The following VPS8 variants were observed in gnomAD, a reference collection of about 807,000 sequenced individuals.
The protein encoded by VPS8 is VPS8 subunit of CORVET complex.
A neutral mutation model predicts 216.4 loss-of-function variants in VPS8; 129 were observed. The ratio of observed to expected loss-of-function variants is 0.60; its 90% CI spans 0.52 to 0.69. VPS8 has a LOEUF of 0.69. Ranked by LOEUF, VPS8 falls within the 30% of genes least tolerant of loss-of-function variation. VPS8 has a pLI of 0.00. For synonymous variants in VPS8, 571 were observed against 565.4 expected (o/e 1.01, Z -0.14); for missense variants, 1,531 against 1,683.5 (o/e 0.91, Z 1.59).
At chr3:185,035,630 T>G (rs988430423) in intron 46 of VPS8, among the ~76,000 whole-genome samples, 24 of 152,196 alleles carry the variant, frequency 1.6e-4, no homozygotes, top group Admixed American at 1.6e-3. Flanking sequence ...GAGCCATCTT[T>G]GACAAATGCA....
chr3:185,011,112 A>C (rs1487160934), intron 45 of VPS8, among the ~76,000 whole-genome samples: 1 of 41,888 alleles, frequency 2.4e-5, no homozygotes, highest in African/African-American at 4.7e-5. Context: ...GACACAGAGT[A>C]CAAAAAAAAA....
At chr3:184,922,453 A>G (rs901598009) in intron 29 of VPS8, 2 of 454,286 alleles carry the variant, frequency 4.4e-6, no homozygotes, top group African/African-American at 2.0e-5. Context: ...ATCCAGCACA[A>G]TGCCTGTAAC....
Position 184,928,770 on chromosome 3 carries a change from T to A in VPS8, c.2714+237T>A, listed in dbSNP as rs143978535. Among the ~76,000 whole-genome samples, 947 of 152,292 alleles carry A rather than the reference T, an allele frequency of 6.2e-3. 25 individuals carry two copies. Among genetic ancestry groups the A allele is most frequent in the Admixed American group, 0.028 (429 of 15,294 alleles). On this transcript the variant is annotated intron_variant, in intron 32 of 47. Coordinates refer to ENST00000625842, the MANE Select transcript of VPS8 (RefSeq NM_001009921.3). Reference sequence around the variant, plus strand: ...TTTATATAATTGTTTAAACATAAAGTGAAATAGTCTTATGATGTTTTATTA... The same window carrying A: ...TTTATATAATTGTTTAAACATAAAGAGAAATAGTCTTATGATGTTTTATTA...
intron 21 of VPS8, among the ~76,000 whole-genome samples, chr3:184,876,272 C>T (rs1729258212): frequency 6.6e-6 from 1 of 151,940 alleles, no homozygotes; most frequent in African/African-American, 2.4e-5. Flanking sequence ...TCACAATACC[C>T]TTCTATTTTT....
At chr3:185,046,297 C>T (rs1712888102) in intron 46 of VPS8, among the ~76,000 whole-genome samples, 1 of 152,210 alleles carries the variant, frequency 6.6e-6, no homozygotes, top group African/African-American at 2.4e-5. Flanking sequence ...TGTTACTTAT[C>T]TTCAGGGCTG....
At position 184,860,038 on chromosome 3, in the gene VPS8, C is replaced by G; in HGVS notation, c.1197C>G (p.His399Gln). ...ATGTTACTAAGCAAAAGCATCTTCA[C>G]CTATACTATGACCTCATCAACTTTA... ...AIHVTKQKHL[H>Q]LYYDLINFTW... The change falls in exon 15 of 48, where the codon CAC becomes CAG. Residue 399 changes from histidine (H) to glutamine (Q), a missense_variant. Coordinates refer to ENST00000625842, the MANE Select transcript of VPS8 (RefSeq NM_001009921.3). 1 of 1,612,748 alleles carries G rather than the reference C, an allele frequency of 6.2e-7. No homozygotes were observed.
In VPS8 at chr3:184,964,478, A is replaced by C; in HGVS notation, c.3194A>C (p.Lys1065Thr). 1 of 1,502,686 alleles carries C rather than the reference A, an allele frequency of 6.7e-7. No individual in the cohort carries two copies. Among genetic ancestry groups the C allele is most frequent in the Non-Finnish European group, 8.9e-7 (1 of 1,119,020 alleles). The allele number at this position is 1,502,686 out of a possible 1,614,324, so 93.1% of individuals were successfully genotyped here. Reference sequence around the variant, plus strand: ...TTTTTTATTTCCTAGATTACTCAGAAGTATCAACTTCATGAAGTCACCGCT... The same window carrying C: ...TTTTTTATTTCCTAGATTACTCAGACGTATCAACTTCATGAAGTCACCGCT... ...RLEETIQITQ[K>T]YQLHEVTAYL... is the part of the protein sequence containing the mutation. The change falls in exon 38 of 48, where the codon AAG becomes ACG. Residue 1065 changes from lysine (K) to threonine (T), a missense_variant. Around this residue, in one of 3 missense-constraint regions of VPS8, gnomAD observed 1,318 missense variants for 1,468.4 expected, o/e 0.90. Transcript: ENST00000625842.
chr3:185,011,615 G>T (rs980135643), intron 45 of VPS8, among the ~76,000 whole-genome samples: 9 of 152,304 alleles, frequency 5.9e-5, no homozygotes, highest in Non-Finnish European at 7.3e-5. Flanking sequence ...GCTGAGTTTT[G>T]AATGTAAATG....
At chr3:184,836,701 C>T (rs1197715537) in intron 5 of VPS8, among the ~76,000 whole-genome samples, 2 of 152,072 alleles carry the variant, frequency 1.3e-5, no homozygotes, top group Non-Finnish European at 2.9e-5. Context: ...ACATGTAAAG[C>T]TAGTTATATT....
chr3:184,866,242 T>C (rs1577972631), intron 16 of VPS8, among the ~76,000 whole-genome samples: 1 of 152,348 alleles, frequency 6.6e-6, no homozygotes, highest in East Asian at 1.9e-4. Context: ...AGCTGATACT[T>C]GGCTACAACA....
At chr3:185,029,840 A>C (rs1368054743) in intron 46 of VPS8, among the ~76,000 whole-genome samples, 1 of 152,226 alleles carries the variant, frequency 6.6e-6, no homozygotes, top group African/African-American at 2.4e-5. Flanking sequence ...CTGGGATTAC[A>C]GGCGTGAGCT....
In VPS8 at chr3:184,971,661, A is replaced by T. The variant is rs1289943604; in HGVS notation, c.3329A>T (p.Asp1110Val). ...TTTCTAAATCTAGATACCAAAGAGG[A>T]TCCCTCATTGAAGGATGTTGAAGAT... ...VTHQGENTKE[D>V]PSLKDVEDTM... The change falls in exon 40 of 48, where the codon GAT (aspartate) becomes GTT (valine). Residue 1110 changes from aspartate to valine, a missense_variant. Physicochemically the swap from Asp to Val is radical, Grantham distance 152 (BLOSUM62 -3). Transcript: ENST00000625842. 6.2e-7 allele frequency: 1 copy of T among 1,611,380 alleles called. No homozygotes were observed. The highest frequency in any genetic ancestry group is 1.3e-5 in the African/African-American group (1 of 74,876).
intron 45 of VPS8, among the ~76,000 whole-genome samples, chr3:185,001,257 G>A (rs887740124): frequency 1.3e-5 from 2 of 152,068 alleles, no homozygotes; most frequent in Non-Finnish European, 2.9e-5. Context: ...AGTCCCACAC[G>A]AACAGTCCTC....
chr3:184,888,311 A>G (rs1377809907), intron 22 of VPS8, among the ~76,000 whole-genome samples: 4 of 152,158 alleles, frequency 2.6e-5, no homozygotes, highest in African/African-American at 9.6e-5. Context: ...TATATTACAC[A>G]TGGTCTGCTT....
Position 184,849,158 on chromosome 3 carries a change from A to G in VPS8, c.629A>G (p.Asp210Gly). 6.2e-7 allele frequency: 1 copy of G among 1,613,628 alleles called. No individual in the cohort carries two copies. The highest frequency in any genetic ancestry group is 1.1e-5 in the South Asian group (1 of 91,084). ...ATCTCTGCCCTCAGTATCAACAATG[A>G]TTGCTCAAGACTTCTTTGTGGCTTT... is the stretch of plus-strand genomic sequence containing the variant. Reference protein sequence around the residue: ...GAISALSINNDCSRLLCGFAK... With the variant: ...GAISALSINNGCSRLLCGFAK... The change falls in exon 9 of 48, where the codon GAT becomes GGT. Residue 210 changes from aspartate to glycine, a missense_variant. Transcript: ENST00000625842.
chr3:185,044,333 T>C (rs1712363030), intron 46 of VPS8, among the ~76,000 whole-genome samples: 1 of 152,188 alleles, frequency 6.6e-6, no homozygotes, highest in Admixed American at 6.5e-5. Context: ...GGCATATCAC[T>C]GAATCCCAGG....
At chr3:184,988,582 G>A (rs1294065556) in intron 42 of VPS8, among the ~76,000 whole-genome samples, 1 of 152,114 alleles carries the variant, frequency 6.6e-6, no homozygotes, top group African/African-American at 2.4e-5. Context: ...TTAAAGTCAG[G>A]GAGTGACAAT....
chr3:184,935,696 CTT>C (rs1238927870), intron 34 of VPS8, among the ~76,000 whole-genome samples: 1 of 152,094 alleles, frequency 6.6e-6, no homozygotes, highest in African/African-American at 2.4e-5. Flanking sequence ...AATTAAAAGT[CTT>C]ATATTTGACA....
chr3:184,978,549 C>T (rs1325133524), intron 40 of VPS8, among the ~76,000 whole-genome samples: 1 of 152,026 alleles, frequency 6.6e-6, no homozygotes, highest in Non-Finnish European at 1.5e-5. Context: ...TATAGGCACA[C>T]ACCACCACAC....
Sources: allele counts gnomAD v4.1 joint callset (sites outside exome capture counted in the v4.1 genomes callset), GRCh38; gene constraint gnomAD v4.1.1; regional missense constraint gnomAD v4.1.1; transcripts MANE v1.5; gene names NCBI Gene and HGNC (gene_info 2026-07-23, HGNC 2026-07-21).